Variants in FKBP9 observed in about 807,000 individuals in gnomAD.
FKBP9 encodes the protein FKBP prolyl isomerase 9.
A neutral mutation model predicts 55.6 loss-of-function variants in FKBP9; 27 were observed. The ratio of observed to expected loss-of-function variants is 0.49; its 90% CI spans 0.36 to 0.67. The LOEUF is 0.67. Among genes scored for constraint, FKBP9 ranks in the 30% least tolerant of loss-of-function variants. FKBP9 has a pLI of 0.00. For synonymous variants in FKBP9, 267 were observed against 296.5 expected, an observed-to-expected ratio of 0.90 and a Z score of 1.02; for missense variants, 539 against 742.8, an observed-to-expected ratio of 0.73 and a Z score of 3.19.
At chr7:32,965,812 A>AAATATAT (rs1554284289) in intron 1 of FKBP9, among the ~76,000 whole-genome samples, 2 of 34,942 alleles carry the variant, frequency 5.7e-5, no homozygotes, top group African/African-American at 2.4e-4. Flanking sequence ...AAAAAAAAAA[A>AAATATAT]ATATATATAT....
chr7:33,005,279 G>C lies in FKBP9; in HGVS notation c.1641G>C (p.Arg547=), dbSNP rs755520074. The C allele has an allele frequency of 4.3e-6, 7 of 1,614,112 alleles. No homozygotes were observed. In the African/African-American group the frequency reaches 8.0e-5, roughly 18 times the overall value. The part of the protein sequence containing the change: ...IVKNMFTNQD[R]NGDGKVTAEE... ...AGAATATGTTCACCAACCAGGACCG[G>C]AATGGAGATGGGAAGGTCACAGCCG... is the stretch of plus-strand genomic sequence containing the variant. The change falls in exon 10 of 10, where the codon CGG becomes CGC. Residue 547 remains arginine (R), a synonymous_variant. Coordinates refer to ENST00000242209, the MANE Select transcript of FKBP9 (RefSeq NM_007270.5).
In FKBP9 at chr7:33,005,237, T is replaced by C. The variant is rs1352837473; in HGVS notation, c.1599T>C (p.Asp533=). 1 of 1,614,188 alleles carries C rather than the reference T, an allele frequency of 6.2e-7. No homozygotes were observed. The highest frequency in any genetic ancestry group is 8.5e-7 in the Non-Finnish European group (1 of 1,180,036). The stretch of plus-strand genomic sequence containing the variant: ...AAGGGAAACTCGCTCCTGGCTTTGA[T>C]GCTGAGCTGATTGTGAAGAATATGT... ...SGKGKLAPGF[D]AELIVKNMFT... is the part of the protein sequence containing the mutation. The change falls in exon 10 of 10, where the codon GAT becomes GAC. Residue 533 remains aspartate (D), a synonymous_variant. Coordinates refer to ENST00000242209, the MANE Select transcript of FKBP9 (RefSeq NM_007270.5).
chr7:32,968,919 A>G (rs1287788514), intron 1 of FKBP9, among the ~76,000 whole-genome samples: 2 of 151,924 alleles, frequency 1.3e-5, no homozygotes, highest in African/African-American at 4.8e-5. Flanking sequence ...CAGCCTCCCA[A>G]AGTGCTGGGA....
At chr7:32,963,497 T>C (rs1784069000) in intron 1 of FKBP9, 1 of 649,708 alleles carries the variant, frequency 1.5e-6, no homozygotes. Context: ...TCAGCCTCAT[T>C]GGGGCTTCAT....
At chr7:32,980,606 C>G (rs1250364564) in intron 5 of FKBP9, 53 bp downstream of exon 5, 1 of 1,581,668 alleles carries the variant, frequency 6.3e-7, no homozygotes, top group Non-Finnish European at 8.6e-7. Flanking sequence ...TAAATAAAGT[C>G]TGCCATTGGC....
intron 7 of FKBP9, among the ~76,000 whole-genome samples, chr7:32,999,645 T>C (rs924311347): frequency 2.0e-5 from 3 of 152,212 alleles, no homozygotes; most frequent in African/African-American, 7.2e-5. Flanking sequence ...CTCCGTTTCA[T>C]AGATAAAGTA....
rs1289767886 is a variant in FKBP9 at position 32,988,796 on chromosome 7, A to T, written c.1039+144A>T. 9.2e-6 allele frequency: 7 copies of T among 762,234 alleles called. No individual in the cohort carries two copies. In the South Asian group the frequency reaches 9.4e-5, roughly 10 times the overall value. The allele number at this position is 762,234 out of a possible 1,614,324, so 47.2% of individuals were successfully genotyped here. ...AGGCTGGAAAGTGTAGTGTGTGATC[A>T]TCGTGTACTATGGCCTGGAACTCTT... On this transcript the variant is annotated intron_variant, in intron 6 of 9. Transcript: ENST00000242209.
intron 8 of FKBP9, among the ~76,000 whole-genome samples, chr7:33,001,405 G>A (rs1004132461): frequency 1.3e-5 from 2 of 151,962 alleles, no homozygotes; most frequent in African/African-American, 4.8e-5. Context: ...CATGGTGGCG[G>A]GCACCTATAA....
At chr7:32,963,100 G>A (rs1784057041) in intron 1 of FKBP9, among the ~76,000 whole-genome samples, 2 of 152,226 alleles carry the variant, frequency 1.3e-5, no homozygotes, top group African/African-American at 4.8e-5. Flanking sequence ...GCTTTGAGGA[G>A]GAGCTGATGC....
rs1207644164 is a variant in FKBP9, at chr7:33,006,848, G to C, written c.*1497G>C. On this transcript the variant is annotated 3_prime_UTR_variant, in exon 10 of 10. Coordinates refer to ENST00000242209, the MANE Select transcript of FKBP9 (RefSeq NM_007270.5). ...TTTGTACTGATGTAGCCCTGAGGTA[G>C]TTCATGAAAATGCTGTGCACTCATT... 5.2e-6 allele frequency: 1 copy of C among 192,790 alleles called. No homozygotes were observed. Among genetic ancestry groups the C allele is most frequent in the African/African-American group, 2.3e-5 (1 of 42,978 alleles). The allele number at this position is 192,790 out of a possible 1,614,324, so 11.9% of individuals were successfully genotyped here.
intron 1 of FKBP9, among the ~76,000 whole-genome samples, chr7:32,972,944 A>T (rs1317448801): frequency 6.6e-6 from 1 of 151,704 alleles, no homozygotes; most frequent in East Asian, 1.9e-4. Flanking sequence ...CTGGTCTCGA[A>T]CTCCTAATCT....
At position 32,980,402 on chromosome 7, in the gene FKBP9, G is replaced by T; in HGVS notation, c.742G>T (p.Val248Phe). 2 of 1,613,428 alleles carry T rather than the reference G, an allele frequency of 1.2e-6. No homozygotes were observed. Among genetic ancestry groups the T allele is most frequent in the Non-Finnish European group, 1.7e-6 (2 of 1,179,704 alleles). Residue 248 changes from valine (V) to phenylalanine (F), a missense_variant, in exon 5 of 10, where the codon GTT (valine) becomes TTT (phenylalanine). Transcript: ENST00000242209. ...IPGQASLVFD[V>F]ALLDLHNPKD... is the part of the protein sequence containing the mutation. ...CGGTCAGGCATCTCTGGTGTTTGATGTTGCATTATTGGACCTCCATAACCC... is the reference window on the plus strand; with the variant it reads ...CGGTCAGGCATCTCTGGTGTTTGATTTTGCATTATTGGACCTCCATAACCC...
intron 1 of FKBP9, among the ~76,000 whole-genome samples, chr7:32,972,950 A>G (rs2953548): frequency 6.6e-6 from 1 of 152,096 alleles, no homozygotes; most frequent in Non-Finnish European, 1.5e-5. Context: ...TCGAACTCCT[A>G]ATCTCAAGTG....
chr7:32,964,942 TCC>T (rs1242114881), intron 1 of FKBP9, among the ~76,000 whole-genome samples: 1 of 152,104 alleles, frequency 6.6e-6, no homozygotes, highest in Non-Finnish European at 1.5e-5. Context: ...TGAGTTTCAG[TCC>T]CATTCGTGAA....
At chr7:32,979,479 G>C (rs1413093324) in intron 4 of FKBP9, 1 of 1,538,674 alleles carries the variant, frequency 6.5e-7, no homozygotes, top group African/African-American at 1.4e-5. Context: ...ATGGGAAGGA[G>C]ATGCAGGGTG....
At chr7:32,968,552 G>T (rs1784192018) in intron 1 of FKBP9, among the ~76,000 whole-genome samples, 1 of 151,270 alleles carries the variant, frequency 6.6e-6, no homozygotes, top group African/African-American at 2.4e-5. Flanking sequence ...AGGTAATATT[G>T]CATTGTGGTT....
rs745717239 is a variant in FKBP9, at chr7:32,973,682, G to GTTTTTTTTTTTTT, written c.222-921_222-909dup. On this transcript the variant is annotated intron_variant, in intron 1 of 9. Coordinates refer to ENST00000242209, the MANE Select transcript of FKBP9 (RefSeq NM_007270.5). ...AGAAAATGAAATGAAGTTTTTTGTT[G>GTTTTTTTTTTTTT]TTTTTTTTTTTTTTTTTTTTTTTTT... Among the ~76,000 whole-genome samples, 2 of 64,982 alleles carry GTTTTTTTTTTTTT rather than the reference G, an allele frequency of 3.1e-5. 1 individual carries two copies. Among genetic ancestry groups the GTTTTTTTTTTTTT allele is most frequent in the Non-Finnish European group, 5.7e-5 (2 of 35,018 alleles). The allele number at this position is 64,982 out of a possible 152,430, so 42.6% of individuals were successfully genotyped here.
chr7:32,963,670 A>G (rs779454146), intron 1 of FKBP9: 31 of 1,449,922 alleles, frequency 2.1e-5, no homozygotes, highest in South Asian at 7.1e-5. Context: ...AGGATCTCCA[A>G]TTCCTTGTGA....
chr7:32,993,566 T>C (rs1784726020), intron 6 of FKBP9, among the ~76,000 whole-genome samples: 1 of 152,222 alleles, frequency 6.6e-6, no homozygotes, highest in Non-Finnish European at 1.5e-5. Context: ...GGCTCACGCC[T>C]GTAATCCCAG....
Sources: allele counts gnomAD v4.1 joint callset (sites outside exome capture counted in the v4.1 genomes callset), GRCh38; gene constraint gnomAD v4.1.1; transcripts MANE v1.5; gene names NCBI Gene and HGNC (gene_info 2026-07-23, HGNC 2026-07-21).